The following NOS1AP variants were observed in gnomAD, a reference collection of about 807,000 sequenced individuals.
NOS1AP encodes the protein carboxyl-terminal PDZ ligand of neuronal nitric oxide synthase protein.
Under a neutral mutation model 56.2 loss-of-function variants are expected in NOS1AP, and 21 were observed. The ratio of observed to expected loss-of-function variants is 0.37; its 90% CI spans 0.26 to 0.54. The LOEUF (loss-of-function observed/expected upper bound fraction) is 0.54, where lower values mean the gene tolerates loss of function less well. Ranked by LOEUF, NOS1AP falls within the 20% of genes least tolerant of loss-of-function variation. The pLI is 0.84. For synonymous variants in NOS1AP, 270 were observed against 274.6 expected (o/e 0.98, Z 0.17); for missense variants, 522 against 657.8 (o/e 0.79, Z 2.26).
intron 2 of NOS1AP, among the ~76,000 whole-genome samples, chr1:162,281,653 A>G (rs1430850618): frequency 6.6e-6 from 1 of 152,244 alleles, no homozygotes; most frequent in Non-Finnish European, 1.5e-5. Flanking sequence ...AGCAAATGCA[A>G]TTACATGGAA....
intron 3 of NOS1AP, 132 bp downstream of exon 3, chr1:162,287,568 G>C: frequency 1.4e-6 from 1 of 738,512 alleles, no homozygotes; most frequent in Non-Finnish European, 2.5e-6. Context: ...GCTTTGAGCA[G>C]CAATGGTGCT....
At chr1:162,073,465 A>G (rs998444708) in intron 1 of NOS1AP, among the ~76,000 whole-genome samples, 7 of 151,934 alleles carry the variant, frequency 4.6e-5, no homozygotes, top group Non-Finnish European at 8.8e-5. Context: ...TTATTTATTT[A>G]TTTATTTATT....
At chr1:162,287,883 G>A (rs1407173183) in intron 3 of NOS1AP, among the ~76,000 whole-genome samples, 1 of 152,132 alleles carries the variant, frequency 6.6e-6, no homozygotes, top group Non-Finnish European at 1.5e-5. Context: ...AGCCCCCTCC[G>A]TTGTATGTCC....
intron 8 of NOS1AP, chr1:162,364,401 A>G: frequency 1.0e-6 from 1 of 985,450 alleles, no homozygotes; most frequent in African/African-American, 1.7e-5. Context: ...TCTTTGCACA[A>G]GAATCACATA....
chr1:162,299,098 T>C (rs1655560697), intron 3 of NOS1AP, among the ~76,000 whole-genome samples: 1 of 152,222 alleles, frequency 6.6e-6, no homozygotes, highest in Non-Finnish European at 1.5e-5. Context: ...AGAACAATGA[T>C]ATTGGATGTT....
intron 4 of NOS1AP, among the ~76,000 whole-genome samples, chr1:162,330,179 G>A (rs1490274497): frequency 2.0e-5 from 3 of 152,210 alleles, no homozygotes; most frequent in Non-Finnish European, 4.4e-5. Flanking sequence ...TTTTACGTAT[G>A]ATGCTGAACT....
At chr1:162,176,245 A>G (rs1429590809) in intron 2 of NOS1AP, among the ~76,000 whole-genome samples, 1 of 152,112 alleles carries the variant, frequency 6.6e-6, no homozygotes, top group East Asian at 1.9e-4. Flanking sequence ...CAAATGCTTA[A>G]TGTCCTATAC....
intron 4 of NOS1AP, 54 bp downstream of exon 4, chr1:162,300,760 C>T (rs1655623997): frequency 9.4e-6 from 14 of 1,489,234 alleles, no homozygotes; most frequent in Non-Finnish European, 4.7e-6. Flanking sequence ...GTCCTCCTGC[C>T]CCCTACAGCC....
chr1:162,176,842 A>G (rs1305895751), intron 2 of NOS1AP, among the ~76,000 whole-genome samples: 2 of 152,148 alleles, frequency 1.3e-5, no homozygotes, highest in East Asian at 3.8e-4. Context: ...ATATGAATGT[A>G]CCACAGTTTT....
rs1218138371 is a variant in NOS1AP at position 162,360,848 on chromosome 1, G to GCC, written c.939+3713_939+3714dup. On this transcript the variant is annotated intron_variant, in intron 8 of 9. Coordinates refer to ENST00000361897, the MANE Select transcript of NOS1AP (RefSeq NM_014697.3). ...GCAAATTGCTCTGGTTCTCTCCACT[G>GCC]CCATTTCCATGTGCCTGCTACTCCC... 3 of 456,656 alleles carry GCC rather than the reference G, an allele frequency of 6.6e-6. No individual in the cohort carries two copies. In the Admixed American group the frequency reaches 7.0e-5, roughly 11 times the overall value. The allele number at this position is 456,656 out of a possible 1,614,324, so 28.3% of individuals were successfully genotyped here.
intron 1 of NOS1AP, among the ~76,000 whole-genome samples, chr1:162,116,677 G>A (rs1647970259): frequency 6.6e-6 from 1 of 152,160 alleles, no homozygotes; most frequent in African/African-American, 2.4e-5. Context: ...GACACATAGG[G>A]AAAGGACAAC....
chr1:162,331,511 C>T (rs1357725842), intron 4 of NOS1AP, among the ~76,000 whole-genome samples: 1 of 152,118 alleles, frequency 6.6e-6, no homozygotes, highest in Non-Finnish European at 1.5e-5. Context: ...TCCCATTGTA[C>T]AGATAACAAA....
At chr1:162,134,812 C>T (rs190904414) in intron 1 of NOS1AP, among the ~76,000 whole-genome samples, 93 of 152,260 alleles carry the variant, frequency 6.1e-4, no homozygotes, top group African/African-American at 2.0e-3. Context: ...GATCAAAGTT[C>T]GTGGCTCAAA....
rs528134142 is a variant in NOS1AP at position 162,164,825 on chromosome 1, CA to C, written c.177+10350del. Among the ~76,000 whole-genome samples, 146 of 152,284 alleles carry C rather than the reference CA, an allele frequency of 9.6e-4. 2 individuals carry two copies. Among genetic ancestry groups the C allele is most frequent in the African/African-American group, 3.4e-3 (141 of 41,554 alleles). Reference sequence around the variant, plus strand: ...ATATTATAGGACAAGGACGGAAAGCCATGGCAGCACACACTGATGATCGGAT... The same window carrying C: ...ATATTATAGGACAAGGACGGAAAGCCTGGCAGCACACACTGATGATCGGAT... On this transcript the variant is annotated intron_variant, in intron 2 of 9. Transcript: ENST00000361897.
At chr1:162,127,531 A>G (rs1648544110) in intron 1 of NOS1AP, among the ~76,000 whole-genome samples, 1 of 152,130 alleles carries the variant, frequency 6.6e-6, no homozygotes, top group Admixed American at 6.5e-5. Context: ...ACTTTATAAA[A>G]AAAAAAAAAA....
intron 2 of NOS1AP, among the ~76,000 whole-genome samples, chr1:162,217,732 C>T (rs1242579856): frequency 1.3e-5 from 2 of 152,150 alleles, no homozygotes; most frequent in Admixed American, 1.3e-4. Context: ...ACCACATATA[C>T]ACCTTTCTCT....
intron 4 of NOS1AP, among the ~76,000 whole-genome samples, chr1:162,311,581 C>CT (rs1200721394): frequency 6.8e-4 from 100 of 146,694 alleles, no homozygotes; most frequent in African/African-American, 1.6e-3. Context: ...CCTTTGTTTT[C>CT]TTTTTTTTTT....
intron 5 of NOS1AP, among the ~76,000 whole-genome samples, chr1:162,335,025 A>C (rs533328825): frequency 8.5e-6 from 1 of 118,244 alleles, no homozygotes; most frequent in Non-Finnish European, 2.1e-5. Flanking sequence ...CTTCTGACAA[A>C]ACCTGAGTTT....
intron 2 of NOS1AP, among the ~76,000 whole-genome samples, chr1:162,209,153 G>A (rs1652259934): frequency 6.6e-6 from 1 of 152,042 alleles, no homozygotes. Flanking sequence ...AACCCCATGG[G>A]GCCTCTGTAT....
Sources: gnomAD v4.1 joint callset for allele counts (sites outside exome capture counted in the v4.1 genomes callset) on GRCh38, gnomAD v4.1.1 for gene constraint, MANE v1.5 for transcripts, NCBI Gene and HGNC (gene_info 2026-07-23, HGNC 2026-07-21) for gene names.